SLC16A12: variants seen among roughly 807,000 people sequenced by gnomAD.
SLC16A12 encodes monocarboxylate transporter 12.
SLC16A12 carries 17 observed loss-of-function variants against 42.4 expected under a neutral mutation model. The observed-to-expected ratio is 0.40, with a 90% CI of 0.27 to 0.60. SLC16A12 has a LOEUF of 0.60. SLC16A12 is among the 20% of genes least tolerant of loss of function. The pLI is 0.42. For missense variants in SLC16A12, 544 were observed against 623.0 expected (o/e 0.87, Z 1.35); for synonymous variants, 224 against 229.4 (o/e 0.98, Z 0.21).
At chr10:89,444,424 A>G (rs1173453439) in intron 3 of SLC16A12, among the ~76,000 whole-genome samples, 2 of 152,206 alleles carry the variant, frequency 1.3e-5, no homozygotes, top group Non-Finnish European at 2.9e-5. Flanking sequence ...ATCATAACCA[A>G]TGTAACTGTT....
chr10:89,519,823 A>G (rs1429345159), intron 2 of SLC16A12, among the ~76,000 whole-genome samples: 1 of 152,184 alleles, frequency 6.6e-6, no homozygotes, highest in African/African-American at 2.4e-5. Flanking sequence ...CATATAAAAC[A>G]TCATACAAAG....
chr10:89,443,434 T>C (rs1841947738), intron 4 of SLC16A12, among the ~76,000 whole-genome samples: 1 of 152,188 alleles, frequency 6.6e-6, no homozygotes, highest in African/African-American at 2.4e-5. Context: ...GCATATACTA[T>C]AAATTGCTTC....
intron 2 of SLC16A12, among the ~76,000 whole-genome samples, chr10:89,513,942 A>C (rs1843204055): frequency 6.6e-6 from 1 of 152,216 alleles, no homozygotes; most frequent in Admixed American, 6.5e-5. Context: ...TGAGACCTCT[A>C]AGTGGACCTG....
chr10:89,472,487 C>CTTTTTTTTTTTTTTTTTT (rs71022567), intron 2 of SLC16A12, among the ~76,000 whole-genome samples: 16 of 89,896 alleles, frequency 1.8e-4, no homozygotes, highest in South Asian at 4.0e-4. Flanking sequence ...TCTTTTCTTT[C>CTTTTTTTTTTTTTTTTTT]TTTTTTTTTT....
At chr10:89,433,583 C>T (rs992494645) in intron 7 of SLC16A12, among the ~76,000 whole-genome samples, 7 of 152,052 alleles carry the variant, frequency 4.6e-5, no homozygotes, top group East Asian at 3.9e-4. Flanking sequence ...GTAGTCACAA[C>T]GTAAATATTA....
chr10:89,515,560 C>T (rs1167171219), intron 2 of SLC16A12, among the ~76,000 whole-genome samples: 1 of 152,162 alleles, frequency 6.6e-6, no homozygotes, highest in Non-Finnish European at 1.5e-5. Flanking sequence ...AGTGCAGTTC[C>T]AGATGCTTCT....
rs149339174 is a variant in SLC16A12, at chr10:89,495,559, T to C, written c.-46-32935A>G. 2.1e-3 allele frequency among the ~76,000 whole-genome samples: 315 copies of C among 152,258 alleles called. 1 individual carries two copies. Among genetic ancestry groups the C allele is most frequent in the African/African-American group, 7.3e-3 (302 of 41,548 alleles). ...ATACATCCATCAAAAACTGAAAATA[T>C]CCCAAGTTAAAATGCATTTAATACA... On this transcript the variant is annotated intron_variant, in intron 2 of 7. Transcript: ENST00000371790.
intron 5 of SLC16A12, among the ~76,000 whole-genome samples, chr10:89,439,751 T>C (rs922934874): frequency 6.6e-5 from 10 of 152,100 alleles, no homozygotes; most frequent in Non-Finnish European, 7.4e-5. Context: ...CAGACAAATG[T>C]TGACACTTTA....
rs936879394 is a variant in SLC16A12 at position 89,505,251 on chromosome 10, C to T, written c.-47+29250G>A. Among the ~76,000 whole-genome samples, 95 of 152,004 alleles carry T rather than the reference C, an allele frequency of 6.2e-4. 2 individuals are homozygous for T. The highest frequency in any genetic ancestry group is 2.1e-3 in the African/African-American group (85 of 41,454). ...CTAACATGGTGAAACCCCATCTCTA[C>T]TAAAAATACAAAAAATTAGCCTGGC... is the stretch of plus-strand genomic sequence containing the variant. On this transcript the variant is annotated intron_variant, in intron 2 of 7. Coordinates refer to ENST00000371790, the MANE Select transcript of SLC16A12 (RefSeq NM_213606.4).
intron 3 of SLC16A12, among the ~76,000 whole-genome samples, chr10:89,459,878 T>G (rs961939435): frequency 2.0e-5 from 3 of 152,086 alleles, no homozygotes; most frequent in Non-Finnish European, 4.4e-5. Flanking sequence ...GAGGCGGAGG[T>G]TGCAGTGAGC....
chr10:89,459,514 T>TTGTGTGTGTGTGTGTG (rs1385309778), intron 3 of SLC16A12, among the ~76,000 whole-genome samples: 1 of 84,878 alleles, frequency 1.2e-5, no homozygotes, highest in African/African-American at 4.7e-5. Flanking sequence ...GTTTCTGTGT[T>TTGTGTGTGTGTGTGTG]TATGTGTGTG....
chr10:89,439,147 GC>G lies in SLC16A12; in HGVS notation c.484del (p.Ala162ProfsTer54). The G allele has an allele frequency of 6.2e-7, 1 of 1,614,114 alleles. No individual in the cohort carries two copies. The highest frequency in any genetic ancestry group is 1.1e-5 in the South Asian group (1 of 91,048). ...TCTGCTGAAGTACTTGCCAACCATG[GC>G]AATAGCTGGAGAGTAACAAAGTGCA... is the stretch of plus-strand genomic sequence containing the variant. Reference protein sequence around the residue: ...GFALCYSPAIAMVGKYFSRRK... With the variant: ...GFALCYSPAIXMVGKYFSRRK... On this transcript the variant is annotated frameshift_variant, in exon 6 of 8. Coordinates refer to ENST00000371790, the MANE Select transcript of SLC16A12 (RefSeq NM_213606.4). LOFTEE classifies it high-confidence loss of function.
intron 2 of SLC16A12, among the ~76,000 whole-genome samples, chr10:89,464,607 C>A (rs545724149): frequency 6.6e-6 from 1 of 152,150 alleles, no homozygotes. Context: ...CTATGTACCA[C>A]CTGGTAAATT....
rs1841705453 is a variant in SLC16A12 at position 89,432,237 on chromosome 10, G to T, written c.*827C>A. ...CAGGTAAGATTGAGAGGTTGTCCTT[G>T]TGACTAAGTGTGTTCTGCTAAATTT... On this transcript the variant is annotated 3_prime_UTR_variant, in exon 8 of 8. Transcript: ENST00000371790. 1 of 152,548 alleles carries T rather than the reference G, an allele frequency of 6.6e-6. No individual in the cohort carries two copies. Among genetic ancestry groups the T allele is most frequent in the Admixed American group, 6.5e-5 (1 of 15,288 alleles). 9.4% of individuals were successfully genotyped at this position (152,548 alleles called of 1,614,324 possible). A position where few individuals can be genotyped will look rare whatever the true frequency, so the allele number is the denominator to read the frequency against.
intron 2 of SLC16A12, among the ~76,000 whole-genome samples, chr10:89,492,756 T>G (rs1003355327): frequency 1.3e-5 from 2 of 151,948 alleles, no homozygotes; most frequent in East Asian, 3.8e-4. Flanking sequence ...ATATTACTCT[T>G]TCTAAGACTC....
intron 3 of SLC16A12, 40 bp from the exon 4 acceptor site, chr10:89,443,899 T>G (rs761679946): frequency 7.7e-7 from 1 of 1,300,108 alleles, no homozygotes; most frequent in Non-Finnish European, 1.1e-6. Flanking sequence ...AAAAAATGAA[T>G]GAGCATGCAT....
chr10:89,452,410 A>G (rs1453511615), intron 3 of SLC16A12, among the ~76,000 whole-genome samples: 3 of 152,216 alleles, frequency 2.0e-5, no homozygotes, highest in African/African-American at 7.2e-5. Context: ...GCATAACATA[A>G]AAATGTGTGG....
chr10:89,505,553 G>C (rs1308311811), intron 2 of SLC16A12, among the ~76,000 whole-genome samples: 2 of 152,142 alleles, frequency 1.3e-5, no homozygotes, highest in Non-Finnish European at 2.9e-5. Context: ...GAGGTACCTG[G>C]TTCATCTCAC....
At chr10:89,485,583 G>T (rs1564585412) in intron 2 of SLC16A12, among the ~76,000 whole-genome samples, 1 of 152,180 alleles carries the variant, frequency 6.6e-6, no homozygotes, top group South Asian at 2.1e-4. Context: ...TCTGAGATAG[G>T]CTTGGGGGAG....
Sources: allele counts gnomAD v4.1 joint callset (sites outside exome capture counted in the v4.1 genomes callset), GRCh38; gene constraint gnomAD v4.1.1; transcripts MANE v1.5; gene names NCBI Gene and HGNC (gene_info 2026-07-23, HGNC 2026-07-21).